SLC5A4: variants seen among roughly 807,000 people sequenced by gnomAD.
The protein encoded by SLC5A4 is probable glucose sensor protein SLC5A4.
SLC5A4 carries 55 observed loss-of-function variants against 70.3 expected under a neutral mutation model. That is an observed-to-expected ratio of 0.78 (90% CI 0.63 to 0.98). The LOEUF (loss-of-function observed/expected upper bound fraction) is 0.98, where lower values mean the gene tolerates loss of function less well. SLC5A4 is among the 50% of genes least tolerant of loss of function. The probability of loss-of-function intolerance (pLI) is 0.00; values close to 1 mark genes in which losing one functional copy is unlikely to be tolerated. For synonymous variants in SLC5A4, 268 were observed against 305.7 expected (o/e 0.88, Z 1.29); for missense variants, 735 against 839.2 (o/e 0.88, Z 1.53).
chr22:32,272,327 C>T, the SLC5A4 span: 3 of 825,630 alleles, frequency 3.6e-6, no homozygotes, highest in African/African-American at 5.0e-5. Flanking sequence ...CTGCCCTGTG[C>T]ACTGCAAGGC....
At chr22:32,328,097 A>AACAC in the SLC5A4 span, among the ~76,000 whole-genome samples, 2 of 108,734 alleles carry the variant, frequency 1.8e-5, no homozygotes, top group Non-Finnish European at 4.5e-5. Context: ...CCAACACACA[A>AACAC]ACACACACAC....
At chr22:32,222,009 G>A (rs1320182186) in intron 13 of SLC5A4, among the ~76,000 whole-genome samples, 1 of 152,134 alleles carries the variant, frequency 6.6e-6, no homozygotes, top group Non-Finnish European at 1.5e-5. Context: ...CACCCACCTT[G>A]GCCTCCCAAA....
chr22:32,334,938 G>A, the SLC5A4 span, among the ~76,000 whole-genome samples: 9 of 152,210 alleles, frequency 5.9e-5, no homozygotes, highest in African/African-American at 2.2e-4. Flanking sequence ...ACTTGTAGGA[G>A]GAGCTGGGCA....
At chr22:32,311,176 C>T in the SLC5A4 span, among the ~76,000 whole-genome samples, 18 of 152,188 alleles carry the variant, frequency 1.2e-4, no homozygotes, top group Admixed American at 3.3e-4. Context: ...ACTGAGTTCC[C>T]GGCAGAACAC....
At chr22:32,333,204 C>G in the SLC5A4 span, among the ~76,000 whole-genome samples, 9 of 149,154 alleles carry the variant, frequency 6.0e-5, no homozygotes, top group East Asian at 4.2e-4. Flanking sequence ...GCACCCCCCC[C>G]CCAGAAGACT....
At chr22:32,272,688 C>A in the SLC5A4 span, 1 of 539,234 alleles carries the variant, frequency 1.9e-6, no homozygotes, top group Non-Finnish European at 3.5e-6. Flanking sequence ...GTGCCTGCTG[C>A]GCTGGGCAGA....
the SLC5A4 span, among the ~76,000 whole-genome samples, chr22:32,318,468 C>G: frequency 6.6e-6 from 1 of 152,178 alleles, no homozygotes; most frequent in East Asian, 1.9e-4. Flanking sequence ...TCAGGAAATA[C>G]AACTCCATCC....
chr22:32,336,467 C>T, the SLC5A4 span, among the ~76,000 whole-genome samples: 4,440 of 152,308 alleles, frequency 0.029, 83 homozygotes, highest in African/African-American at 0.066. Flanking sequence ...TGGAGCCACG[C>T]GGGTCTCTTC....
chr22:32,284,985 T>C, the SLC5A4 span: 1 of 152,206 alleles, frequency 6.6e-6, no homozygotes. Context: ...TGGCTGCAGA[T>C]ACAAGACTTT....
chr22:32,336,735 G>A, the SLC5A4 span, among the ~76,000 whole-genome samples: 1 of 152,296 alleles, frequency 6.6e-6, no homozygotes, highest in South Asian at 2.1e-4. Context: ...CCTTCCCTAA[G>A]GAATATTCAC....
chr22:32,229,433 T>C lies in SLC5A4; in HGVS notation c.1130-89A>G, dbSNP rs1274600236. On this transcript the variant is annotated intron_variant, in intron 10 of 14. Transcript: ENST00000266086. ...GGGTTGAAAGGTTAAAAGTATCATC[T>C]GGAACATAGGTTAACTGATGTCCTT... The C allele has an allele frequency of 2.9e-6, 4 of 1,377,954 alleles. No individual in the cohort carries two copies. In the Admixed American group the frequency reaches 6.5e-5, roughly 22 times the overall value. The allele number at this position is 1,377,954 out of a possible 1,614,324, so 85.4% of individuals were successfully genotyped here. A position where few individuals can be genotyped will look rare whatever the true frequency, so the allele number is the denominator to read the frequency against.
chr22:32,278,044 G>A, the SLC5A4 span, among the ~76,000 whole-genome samples: 166 of 152,050 alleles, frequency 1.1e-3, no homozygotes, highest in Non-Finnish European at 5.3e-4. Flanking sequence ...GAGGTTTAGG[G>A]CCCCACTGGA....
At chr22:32,326,187 T>C in the SLC5A4 span, among the ~76,000 whole-genome samples, 12 of 152,032 alleles carry the variant, frequency 7.9e-5, 1 homozygote, top group South Asian at 2.5e-3. Context: ...CTGGAGACAA[T>C]GTGTTCCCCA....
the SLC5A4 span, among the ~76,000 whole-genome samples, chr22:32,281,200 G>T: frequency 6.6e-6 from 1 of 152,224 alleles, no homozygotes; most frequent in East Asian, 1.9e-4. Flanking sequence ...CGCACTGGGG[G>T]TTTGGCTTGA....
chr22:32,292,271 T>A, the SLC5A4 span, among the ~76,000 whole-genome samples: 1 of 105,120 alleles, frequency 9.5e-6, no homozygotes. Flanking sequence ...ATATAATACA[T>A]ACTAGATATT....
the SLC5A4 span, among the ~76,000 whole-genome samples, chr22:32,336,279 A>T: frequency 3.3e-5 from 5 of 152,208 alleles, no homozygotes; most frequent in African/African-American, 1.2e-4. Context: ...TCAAATCAAC[A>T]TAAAGGAGCA....
chr22:32,289,984 T>G, the SLC5A4 span, among the ~76,000 whole-genome samples: 2 of 152,204 alleles, frequency 1.3e-5, no homozygotes, highest in Non-Finnish European at 2.9e-5. Context: ...TGGAAGAGCT[T>G]GTGTATGATT....
At position 32,255,156 on chromosome 22, in the gene SLC5A4, C is replaced by A. The variant is rs201814672; in HGVS notation, c.135+39G>T. ...CCCCCTTAAGATACCCCCTCCTAAA[C>A]CTTGTGCCCACCCTAAAAGCCACTG... On this transcript the variant is annotated intron_variant, in intron 1 of 14. Coordinates refer to ENST00000266086, the MANE Select transcript of SLC5A4 (RefSeq NM_014227.3). 145 of 1,605,148 alleles carry A rather than the reference C, an allele frequency of 9.0e-5. No homozygotes were observed. In the African/African-American group the frequency reaches 1.7e-3, roughly 19 times the overall value.
At chr22:32,348,858 G>T in the SLC5A4 span, among the ~76,000 whole-genome samples, 5,030 of 152,110 alleles carry the variant, frequency 0.033, 242 homozygotes, top group African/African-American at 0.11. Flanking sequence ...TGGTCAACAC[G>T]CTCAGACACA....
Sources: allele counts gnomAD v4.1 joint callset (sites outside exome capture counted in the v4.1 genomes callset), GRCh38; gene constraint gnomAD v4.1.1; transcripts MANE v1.5; gene names NCBI Gene and HGNC (gene_info 2026-07-23, HGNC 2026-07-21).